Variants in PLCL1 observed in about 807,000 individuals in gnomAD.
PLCL1 encodes inactive phospholipase C-like protein 1.
PLCL1 carries 41 observed loss-of-function variants against 84.4 expected under a neutral mutation model. The observed-to-expected ratio is 0.49, with a 90% CI of 0.38 to 0.63. The LOEUF (loss-of-function observed/expected upper bound fraction) is 0.63, where lower values mean the gene tolerates loss of function less well. Among genes scored for constraint, PLCL1 ranks in the 30% least tolerant of loss-of-function variants. The pLI is 0.00. For synonymous variants in PLCL1, 490 were observed against 488.3 expected, an observed-to-expected ratio of 1.00 and a Z score of -0.05; for missense variants, 1,206 against 1,367.8, an observed-to-expected ratio of 0.88 and a Z score of 1.87.
rs2105898246 is a variant in PLCL1, at chr2:198,085,255, C to T, written c.1738C>T (p.Arg580Ter). The stretch of plus-strand genomic sequence containing the variant: ...TTACAATGGTGAGCAGAAGCAAATC[C>T]GACTCTGTAGGGAGCTCTCTGATTT... The part of the protein sequence containing the change: ...VDYNGEQKQI[R>*]LCRELSDLVS... Residue 580 changes from arginine to a stop codon, truncating the protein, a stop_gained, in exon 2 of 6, where the codon CGA becomes TGA. Transcript: ENST00000428675. LOFTEE classifies it high-confidence loss of function. This position sits in a 1 kb window ranked among gnomAD's most constrained non-coding sequence, Gnocchi z 5.3. The T allele has an allele frequency of 6.2e-7, 1 of 1,613,900 alleles. No homozygotes were observed. Among genetic ancestry groups the T allele is most frequent in the Non-Finnish European group, 8.5e-7 (1 of 1,179,868 alleles).
At chr2:197,963,408 C>A (rs1179889702) in intron 1 of PLCL1, among the ~76,000 whole-genome samples, 1 of 152,064 alleles carries the variant, frequency 6.6e-6, no homozygotes, top group Non-Finnish European at 1.5e-5. Context: ...CTATTCAGAT[C>A]TTTTGCCCAT....
intron 1 of PLCL1, among the ~76,000 whole-genome samples, chr2:198,008,126 A>T (rs1690774708): frequency 6.6e-6 from 1 of 152,108 alleles, no homozygotes; most frequent in Non-Finnish European, 1.5e-5. Flanking sequence ...TTAAAATCAC[A>T]ATGAACTCTT....
In PLCL1 at chr2:198,145,921, G is replaced by C. The variant is rs568499028; in HGVS notation, c.3106-859G>C. Among the ~76,000 whole-genome samples the C allele has an allele frequency of 2.6e-5, 4 of 152,256 alleles. No homozygotes were observed. In the East Asian group the frequency reaches 7.7e-4, roughly 29 times the overall value. On this transcript the variant is annotated intron_variant, in intron 5 of 5. Coordinates refer to ENST00000428675, the MANE Select transcript of PLCL1 (RefSeq NM_006226.4). Reference sequence around the variant, plus strand: ...ACTTTCAGGCACTGCCATGAGAATGGAGAGGAGAGGGAAGAAGCTACTTCT... The same window carrying C: ...ACTTTCAGGCACTGCCATGAGAATGCAGAGGAGAGGGAAGAAGCTACTTCT...
At chr2:198,112,607 T>C (rs1442506801) in intron 5 of PLCL1, among the ~76,000 whole-genome samples, 1 of 151,928 alleles carries the variant, frequency 6.6e-6, no homozygotes, top group East Asian at 1.9e-4. Context: ...GCAGAATCTA[T>C]TCTGTGTCTC....
At chr2:197,823,679 G>A (rs1690864071) in intron 1 of PLCL1, among the ~76,000 whole-genome samples, 2 of 152,140 alleles carry the variant, frequency 1.3e-5, no homozygotes, top group South Asian at 4.2e-4. Flanking sequence ...TCATCTTTCT[G>A]GTAGATGGGG....
At chr2:197,954,099 A>G (rs1266130905) in intron 1 of PLCL1, among the ~76,000 whole-genome samples, 1 of 152,112 alleles carries the variant, frequency 6.6e-6, no homozygotes, top group East Asian at 1.9e-4. Context: ...ATTTGGATAC[A>G]TGGATATTTA....
intron 1 of PLCL1, among the ~76,000 whole-genome samples, chr2:197,824,966 T>G (rs182865127): frequency 6.6e-6 from 1 of 152,240 alleles, no homozygotes; most frequent in African/African-American, 2.4e-5. Flanking sequence ...ACTCATTTTA[T>G]TATAAGTAAT....
At chr2:197,807,918 A>G (rs1690515085) in intron 1 of PLCL1, among the ~76,000 whole-genome samples, 1 of 152,216 alleles carries the variant, frequency 6.6e-6, no homozygotes, top group Admixed American at 6.5e-5. Context: ...ACTGTCTTGT[A>G]TATTAATAAA....
At chr2:198,145,585 G>A (rs1427131134) in intron 5 of PLCL1, among the ~76,000 whole-genome samples, 2 of 152,158 alleles carry the variant, frequency 1.3e-5, no homozygotes, top group Non-Finnish European at 2.9e-5. Context: ...TTGAGAAGAA[G>A]TTCGCTTTAA....
chr2:197,886,411 CAAAAAAAAAAAAAAAAAAAAAA>C (rs61183744), intron 1 of PLCL1, among the ~76,000 whole-genome samples: 23 of 77,092 alleles, frequency 3.0e-4, no homozygotes, highest in Middle Eastern at 6.4e-3. Flanking sequence ...GACTCTGTCT[CAAAAAAAAAAAAAAAAAAAAAA>C]AAAAAAAAAA....
chr2:198,030,208 A>G (rs1363953172), intron 1 of PLCL1, among the ~76,000 whole-genome samples: 1 of 151,762 alleles, frequency 6.6e-6, no homozygotes, highest in Non-Finnish European at 1.5e-5. Context: ...TTGTTCCCCT[A>G]TATGTGTCCA....
chr2:197,969,305 A>AT (rs1403920396), intron 1 of PLCL1, among the ~76,000 whole-genome samples: 1 of 152,164 alleles, frequency 6.6e-6, no homozygotes, highest in Non-Finnish European at 1.5e-5. Context: ...TGTAGTGTAC[A>AT]TTTTTTATAG....
intron 1 of PLCL1, among the ~76,000 whole-genome samples, chr2:198,032,940 G>C (rs766092079): frequency 2.6e-5 from 4 of 152,024 alleles, no homozygotes; most frequent in Non-Finnish European, 5.9e-5. Flanking sequence ...CTAAGAACTG[G>C]GACTTGGATT....
intron 5 of PLCL1, among the ~76,000 whole-genome samples, chr2:198,141,826 G>C (rs1694394671): frequency 6.6e-6 from 1 of 152,160 alleles, no homozygotes; most frequent in Non-Finnish European, 1.5e-5. Flanking sequence ...ATGAGTGTGG[G>C]CTCAAAAATA....
chr2:198,097,067 G>A (rs1017354316), intron 3 of PLCL1, among the ~76,000 whole-genome samples: 3 of 152,186 alleles, frequency 2.0e-5, no homozygotes, highest in African/African-American at 7.2e-5. Flanking sequence ...TTATTGTGAA[G>A]TTTGTGTGGA....
At chr2:197,945,663 A>G (rs1689257477) in intron 1 of PLCL1, among the ~76,000 whole-genome samples, 1 of 152,198 alleles carries the variant, frequency 6.6e-6, no homozygotes, top group Admixed American at 6.5e-5. Flanking sequence ...GTGCCTCAGT[A>G]GTCTCATCTT....
At position 198,084,081 on chromosome 2, in the gene PLCL1, T is replaced by C. The variant is rs775032960; in HGVS notation, c.564T>C (p.Cys188=). ...TTGCTGACCAGATCTGTGAGGACTGTGCCTTTTCCATACTCCACGGGGAAA... is the reference window on the plus strand; with the variant it reads ...TTGCTGACCAGATCTGTGAGGACTGCGCCTTTTCCATACTCCACGGGGAAA... The part of the protein sequence containing the change: ...NGLADQICED[C]AFSILHGENY... Residue 188 remains cysteine (C), a synonymous_variant, in exon 2 of 6, where the codon TGT becomes TGC. Transcript: ENST00000428675. 1.2e-6 allele frequency: 2 copies of C among 1,614,178 alleles called. No individual in the cohort carries two copies. Among genetic ancestry groups the C allele is most frequent in the South Asian group, 2.2e-5 (2 of 91,090 alleles).
At chr2:197,845,989 A>G (rs75818072) in intron 1 of PLCL1, among the ~76,000 whole-genome samples, 1,802 of 152,226 alleles carry the variant, frequency 0.012, 32 homozygotes, top group African/African-American at 0.041. Context: ...ATTAGGGTCC[A>G]CAGACTAGGA....
At chr2:198,031,206 A>T (rs1691408893) in intron 1 of PLCL1, among the ~76,000 whole-genome samples, 1 of 131,852 alleles carries the variant, frequency 7.6e-6, no homozygotes, top group Non-Finnish European at 1.6e-5. Flanking sequence ...CCTTGTCTCT[A>T]CAAAAAAAAA....
Sources: allele counts gnomAD v4.1 joint callset (sites outside exome capture counted in the v4.1 genomes callset), GRCh38; gene constraint gnomAD v4.1.1; non-coding constraint Gnocchi (gnomAD v3.1); transcripts MANE v1.5; gene names NCBI Gene and HGNC (gene_info 2026-07-23, HGNC 2026-07-21).